Variants in KYAT3 observed in about 807,000 individuals in gnomAD.
KYAT3 encodes the protein kynurenine aminotransferase 3, also known as kynurenine--oxoglutarate transaminase 3.
KYAT3 carries 50 observed loss-of-function variants against 59.0 expected under a neutral mutation model. The observed-to-expected ratio is 0.85, with a 90% CI of 0.68 to 1.07. KYAT3 has a LOEUF of 1.07. Ranked by LOEUF, KYAT3 falls within the 50% of genes least tolerant of loss-of-function variation. The pLI, the probability that KYAT3 is intolerant of heterozygous loss-of-function variation, is 0.00. For missense variants in KYAT3, 497 were observed against 533.3 expected (o/e 0.93, Z 0.67); for synonymous variants, 148 against 177.0 (o/e 0.84, Z 1.30).
intron 2 of KYAT3, chr1:88,984,004 CA>C (rs1220962729): frequency 1.9e-6 from 1 of 528,974 alleles, no homozygotes; most frequent in African/African-American, 2.3e-5. Flanking sequence ...GCTATCCATT[CA>C]AAAAACCAGG....
intron 2 of KYAT3, among the ~76,000 whole-genome samples, chr1:88,977,061 C>A (rs1676816705): frequency 6.6e-6 from 1 of 152,158 alleles, no homozygotes; most frequent in African/African-American, 2.4e-5. Flanking sequence ...GTTGCCCAGG[C>A]TAGAGAGCAG....
chr1:88,928,730 A>G, the KYAT3 span, among the ~76,000 whole-genome samples: 1 of 152,160 alleles, frequency 6.6e-6, no homozygotes. Context: ...ATTGAGGGCC[A>G]GGAGGTTAAC....
the KYAT3 span, among the ~76,000 whole-genome samples, chr1:88,924,546 C>T: frequency 6.6e-6 from 1 of 152,210 alleles, no homozygotes; most frequent in East Asian, 1.9e-4. Context: ...GCCTTTGGGT[C>T]CCCTCCCTTC....
At chr1:88,965,121 G>T in intron 4 of KYAT3, 143 bp from the exon 5 acceptor site, 1 of 614,450 alleles carries the variant, frequency 1.6e-6, no homozygotes, top group East Asian at 3.2e-5. Context: ...ATTTTTTAAT[G>T]GCAATAAATT....
At chr1:88,964,527 A>G (rs956914643) in intron 5 of KYAT3, 2 of 290,490 alleles carry the variant, frequency 6.9e-6, no homozygotes, top group South Asian at 3.7e-5. Context: ...AAACAAGCCT[A>G]TGGTAATAGA....
intron 3 of KYAT3, 150 bp downstream of exon 3, chr1:88,969,259 T>G (rs1676459813): frequency 1.2e-5 from 8 of 650,560 alleles, no homozygotes; most frequent in South Asian, 1.7e-5. Flanking sequence ...GTATATGGAT[T>G]GCTAACTTCC....
rs1676288707 is a variant in KYAT3 at position 88,964,972 on chromosome 1, G to T, written c.310C>A (p.Pro104Thr). 5 of 1,601,232 alleles carry T rather than the reference G, an allele frequency of 3.1e-6. No individual in the cohort carries two copies. The highest frequency in any genetic ancestry group is 4.2e-6 in the Non-Finnish European group (5 of 1,177,272). The change falls in exon 5 of 14, where the codon CCA becomes ACA. Residue 104 changes from proline to threonine, a missense_variant. Physicochemically the swap from Pro to Thr is conservative, Grantham distance 38. This residue lies in a region of KYAT3 where 469 missense variants were observed against 479.1 expected (regional missense o/e 0.98). Coordinates refer to ENST00000260508, the MANE Select transcript of KYAT3 (RefSeq NM_001008661.3). ...LNQYTRGFGH[P>T]SLVKALSYLY... ...TAGGACAGAGCTTTCACAAGTGATG[G>T]ATGGCCCTGTTGGATTAAAAATAAG...
intron 2 of KYAT3, chr1:88,979,709 A>G (rs919511254): frequency 5.9e-5 from 9 of 152,138 alleles, no homozygotes; most frequent in African/African-American, 2.2e-4. Flanking sequence ...ACTCTATACA[A>G]CCCTGGTGGG....
intron 1 of KYAT3, 43 bp downstream of exon 1, chr1:88,992,542 C>G (rs1677874972): frequency 6.5e-6 from 1 of 152,732 alleles, no homozygotes; most frequent in Admixed American, 6.5e-5. Context: ...CTAGTCAGTC[C>G]GCACGGAAGC....
At chr1:88,966,387 G>A (rs12060446) in intron 4 of KYAT3, among the ~76,000 whole-genome samples, 1 of 152,008 alleles carries the variant, frequency 6.6e-6, no homozygotes, top group Non-Finnish European at 1.5e-5. Context: ...TTTAGGTATT[G>A]CTTAATTTCT....
intron 5 of KYAT3, among the ~76,000 whole-genome samples, chr1:88,962,873 A>G (rs1195952628): frequency 6.6e-6 from 1 of 152,234 alleles, no homozygotes; most frequent in East Asian, 1.9e-4. Flanking sequence ...ATACAAGGTG[A>G]GAGCACAATA....
the KYAT3 span, among the ~76,000 whole-genome samples, chr1:88,928,217 G>A: frequency 6.6e-6 from 1 of 152,256 alleles, no homozygotes; most frequent in South Asian, 2.1e-4. Flanking sequence ...CTCTATTGAA[G>A]GTCAACTAAT....
At chr1:88,926,044 T>C in the KYAT3 span, among the ~76,000 whole-genome samples, 1 of 152,170 alleles carries the variant, frequency 6.6e-6, no homozygotes, top group African/African-American at 2.4e-5. Context: ...ATTCAATCTG[T>C]AGCAGCAACT....
intron 13 of KYAT3, among the ~76,000 whole-genome samples, chr1:88,940,379 T>G (rs2101013775): frequency 6.6e-6 from 1 of 152,330 alleles, no homozygotes; most frequent in East Asian, 1.9e-4. Context: ...GCCCCTCCTC[T>G]TTGATTATTA....
rs568872920 is a variant in KYAT3 at position 88,963,823 on chromosome 1, C to T, written c.453+1006G>A. ...GCTATTGGAATGCTAATGGGAAATA[C>T]GGGTAGAGATGACTGAGGTAGTTGC... On this transcript the variant is annotated intron_variant, in intron 5 of 13. Transcript: ENST00000260508. Among the ~76,000 whole-genome samples the T allele has an allele frequency of 3.9e-5, 6 of 152,296 alleles. No homozygotes were observed. The South Asian group carries it at 1.0e-3, about 26-fold the overall frequency.
chr1:88,958,833 A>G (rs1676026734), intron 8 of KYAT3, among the ~76,000 whole-genome samples: 1 of 151,852 alleles, frequency 6.6e-6, no homozygotes, highest in African/African-American at 2.4e-5. Flanking sequence ...GATGTAGAAC[A>G]CTGTGATCTC....
intron 8 of KYAT3, among the ~76,000 whole-genome samples, chr1:88,959,572 CAAA>C (rs33949703): frequency 0.14 from 16,662 of 118,076 alleles, 1,037 homozygotes; most frequent in Middle Eastern, 0.22. Context: ...GACTCTGTCT[CAAA>C]AAAAAAAAAA....
At chr1:88,968,537 G>C in intron 4 of KYAT3, 133 bp downstream of exon 4, 1 of 631,348 alleles carries the variant, frequency 1.6e-6, no homozygotes, top group African/African-American at 1.9e-5. Context: ...AAGTTTCTGT[G>C]GTTGCTAGGA....
Position 88,962,068 on chromosome 1 carries a change from G to A in KYAT3, c.531C>T (p.Pro177=). 6.2e-7 allele frequency: 1 copy of A among 1,613,050 alleles called. No homozygotes were observed. The highest frequency in any genetic ancestry group is 8.5e-7 in the Non-Finnish European group (1 of 1,179,156). ...RMAGATPVFI[P]LRSKPVYGKR... ...ATACTGGCAAACTTACAGATCTCAG[G>A]GGAATAAAAACAGGTGTTGCTCCAG... Residue 177 remains proline, a synonymous_variant, in exon 6 of 14, where the codon CCC becomes CCT. Coordinates refer to ENST00000260508, the MANE Select transcript of KYAT3 (RefSeq NM_001008661.3).
Sources: gnomAD v4.1 joint callset for allele counts (sites outside exome capture counted in the v4.1 genomes callset) on GRCh38, gnomAD v4.1.1 for gene constraint, gnomAD v4.1.1 regional missense constraint, MANE v1.5 for transcripts, NCBI Gene and HGNC (gene_info 2026-07-23, HGNC 2026-07-21) for gene names.